The following PCMTD1 variants were observed in gnomAD, a reference collection of about 807,000 sequenced individuals.
PCMTD1 encodes protein-L-isoaspartate (D-aspartate) O-methyltransferase domain containing 1.
In PCMTD1, 12 loss-of-function variants were observed where a neutral mutation model predicts 37.6. The observed-to-expected ratio is 0.32, with a 90% CI of 0.20 to 0.52. The LOEUF is 0.52. PCMTD1 is among the 20% of genes least tolerant of loss of function. PCMTD1 has a pLI of 0.97. For synonymous variants in PCMTD1, 117 were observed against 135.8 expected (o/e 0.86, Z 0.96); for missense variants, 235 against 421.3 (o/e 0.56, Z 3.87).
At chr8:51,889,514 CTG>C (rs1379886499) in intron 1 of PCMTD1, among the ~76,000 whole-genome samples, 2 of 152,134 alleles carry the variant, frequency 1.3e-5, no homozygotes, top group African/African-American at 4.8e-5. Flanking sequence ...ACACCAAACC[CTG>C]TGTCCCTCAA....
chr8:51,838,707 G>C (rs1438099468), intron 3 of PCMTD1, among the ~76,000 whole-genome samples: 1 of 152,020 alleles, frequency 6.6e-6, no homozygotes, highest in Non-Finnish European at 1.5e-5. Flanking sequence ...TGTTACCTAA[G>C]TTTCCATAAA....
intron 1 of PCMTD1, among the ~76,000 whole-genome samples, chr8:51,883,199 CAACAAGGAA>C (rs1283669939): frequency 7.9e-5 from 12 of 151,844 alleles, no homozygotes; most frequent in African/African-American, 2.7e-4. Context: ...GAGAGCAAAT[CAACAAGGAA>C]TATAATAGCT....
chr8:51,876,392 A>G (rs936871876), intron 1 of PCMTD1, among the ~76,000 whole-genome samples: 7 of 67,408 alleles, frequency 1.0e-4, no homozygotes, highest in Non-Finnish European at 4.5e-4. Context: ...ATAAACACAC[A>G]CACAAAAAAA....
chr8:51,830,742 G>GA (rs34212562), intron 5 of PCMTD1, among the ~76,000 whole-genome samples: 2 of 152,094 alleles, frequency 1.3e-5, no homozygotes, highest in Non-Finnish European at 1.5e-5. Flanking sequence ...CTCTCTGTAT[G>GA]AAAAAATGCT....
At chr8:51,854,071 T>C (rs1396171447) in intron 2 of PCMTD1, among the ~76,000 whole-genome samples, 4 of 152,120 alleles carry the variant, frequency 2.6e-5, no homozygotes, top group Non-Finnish European at 5.9e-5. Context: ...AAACAGTTAA[T>C]CACAAAGATA....
chr8:51,859,336 G>A (rs2038438394), intron 2 of PCMTD1, among the ~76,000 whole-genome samples: 1 of 152,034 alleles, frequency 6.6e-6, no homozygotes, highest in Non-Finnish European at 1.5e-5. Context: ...AGAAACCGGT[G>A]ATAGAAGTGA....
chr8:51,833,839 T>G (rs1292484366), intron 3 of PCMTD1, 150 bp from the exon 4 acceptor site: 1 of 527,040 alleles, frequency 1.9e-6, no homozygotes, highest in Non-Finnish European at 3.1e-6. Context: ...TAATATTTAT[T>G]AAGTTTAGCA....
At chr8:51,879,035 A>G (rs1420150309) in intron 1 of PCMTD1, among the ~76,000 whole-genome samples, 2 of 152,202 alleles carry the variant, frequency 1.3e-5, no homozygotes, top group Middle Eastern at 3.4e-3. Context: ...CTGAGGTGGG[A>G]AGATTGCTTG....
At chr8:51,889,064 T>C (rs993532017) in intron 1 of PCMTD1, among the ~76,000 whole-genome samples, 12 of 152,214 alleles carry the variant, frequency 7.9e-5, no homozygotes, top group Admixed American at 2.6e-4. Flanking sequence ...CCTGACTATA[T>C]AGGACACATT....
chr8:51,877,443 T>TG (rs2038728768), intron 1 of PCMTD1, among the ~76,000 whole-genome samples: 1 of 152,222 alleles, frequency 6.6e-6, no homozygotes, highest in Non-Finnish European at 1.5e-5. Flanking sequence ...AATGTTTGCT[T>TG]GGATTCAGTA....
chr8:51,897,901 A>G (rs1261502960), intron 1 of PCMTD1, among the ~76,000 whole-genome samples: 2 of 152,174 alleles, frequency 1.3e-5, no homozygotes, highest in African/African-American at 4.8e-5. Flanking sequence ...ACTATATATG[A>G]TCCCAATCTT....
intron 1 of PCMTD1, among the ~76,000 whole-genome samples, chr8:51,878,931 C>T (rs1279414419): frequency 2.0e-5 from 3 of 152,064 alleles, no homozygotes; most frequent in Non-Finnish European, 4.4e-5. Flanking sequence ...TCGAGACCAG[C>T]CCTGGCAAAA....
chr8:51,838,366 A>AC (rs2038097638), intron 3 of PCMTD1, among the ~76,000 whole-genome samples: 1 of 151,882 alleles, frequency 6.6e-6, no homozygotes, highest in African/African-American at 2.4e-5. Flanking sequence ...GCACGCGCCT[A>AC]TAGTCCCAGC....
intron 1 of PCMTD1, among the ~76,000 whole-genome samples, chr8:51,881,157 A>G (rs1052481489): frequency 1.2e-4 from 18 of 152,322 alleles, no homozygotes; most frequent in African/African-American, 4.3e-4. Flanking sequence ...CTCATCTTGC[A>G]AACTTCTGAT....
At chr8:51,826,955 A>T in intron 5 of PCMTD1, 1 of 910,006 alleles carries the variant, frequency 1.1e-6, no homozygotes, top group Non-Finnish European at 1.3e-6. Context: ...GTTTAATATG[A>T]GCAACTTGAT....
At chr8:51,828,594 G>A (rs964534263) in intron 5 of PCMTD1, among the ~76,000 whole-genome samples, 3 of 152,148 alleles carry the variant, frequency 2.0e-5, no homozygotes, top group African/African-American at 7.2e-5. Context: ...ACCAAAGTAA[G>A]GTCGAACCAT....
chr8:51,833,895 G>A (rs992069664), intron 3 of PCMTD1, among the ~76,000 whole-genome samples: 1 of 152,134 alleles, frequency 6.6e-6, no homozygotes, highest in Non-Finnish European at 1.5e-5. Flanking sequence ...GGACGGACAT[G>A]TGTTTTCAAA....
In PCMTD1 at chr8:51,825,454, G is replaced by A. The variant is rs1250722169; in HGVS notation, c.707-4736C>T. ...TCACGCCTGTAATCCCAGCACTTTGGGAGGCCGAGGCGGGTGGATCATGAG... is the reference window on the plus strand; with the variant it reads ...TCACGCCTGTAATCCCAGCACTTTGAGAGGCCGAGGCGGGTGGATCATGAG... On this transcript the variant is annotated intron_variant, in intron 5 of 5. Coordinates refer to ENST00000522514, the MANE Select transcript of PCMTD1 (RefSeq NM_052937.4). 5.3e-5 allele frequency among the ~76,000 whole-genome samples: 2 copies of A among 37,576 alleles called. 1 individual carries two copies. Among genetic ancestry groups the A allele is most frequent in the Non-Finnish European group, 5.2e-4 (2 of 3,858 alleles). 24.7% of individuals were successfully genotyped at this position (37,576 alleles called of 152,430 possible). A position where few individuals can be genotyped will look rare whatever the true frequency, so the allele number is the denominator to read the frequency against.
intron 1 of PCMTD1, among the ~76,000 whole-genome samples, chr8:51,878,657 G>T (rs573784087): frequency 2.7e-4 from 41 of 152,294 alleles, no homozygotes; most frequent in Admixed American, 2.0e-4. Flanking sequence ...ATGGAGGTAG[G>T]ATGATCCCTT....
Sources: allele counts gnomAD v4.1 joint callset (sites outside exome capture counted in the v4.1 genomes callset), GRCh38; gene constraint gnomAD v4.1.1; transcripts MANE v1.5; gene names NCBI Gene and HGNC (gene_info 2026-07-23, HGNC 2026-07-21).